The following LRRC8D variants were observed in gnomAD, a reference collection of about 807,000 sequenced individuals.
The protein encoded by LRRC8D is leucine rich repeat containing 8 VRAC subunit D.
In LRRC8D, 20 loss-of-function variants were observed where a neutral mutation model predicts 55.8. That is an observed-to-expected ratio of 0.36 (90% CI 0.25 to 0.52). LRRC8D has a LOEUF of 0.52. Among genes scored for constraint, LRRC8D ranks in the 20% least tolerant of loss-of-function variants. LRRC8D has a pLI of 0.93. For missense variants in LRRC8D, 651 were observed against 1,030.8 expected (o/e 0.63, Z 5.05); for synonymous variants, 352 against 377.0 (o/e 0.93, Z 0.77).
At chr1:89,878,736 C>T (rs1224611182) in intron 2 of LRRC8D, among the ~76,000 whole-genome samples, 3 of 152,046 alleles carry the variant, frequency 2.0e-5, no homozygotes, top group African/African-American at 2.4e-5. Flanking sequence ...GAGGCTGAGG[C>T]GGGTGGATCA....
At chr1:89,924,703 G>C (rs1270573335) in intron 2 of LRRC8D, among the ~76,000 whole-genome samples, 1 of 151,512 alleles carries the variant, frequency 6.6e-6, no homozygotes, top group Admixed American at 6.6e-5. Flanking sequence ...TTTTTAATAT[G>C]GTACATATAC....
intron 1 of LRRC8D, 25 bp from the exon 2 acceptor site, chr1:89,843,611 CTT>C (rs1036249860): frequency 1.4e-6 from 1 of 702,214 alleles, no homozygotes; most frequent in Admixed American, 2.0e-5. Flanking sequence ...CTCTCTAGCT[CTT>C]TCTCTCCCCT....
Position 89,889,427 on chromosome 1 carries a change from G to T in LRRC8D, c.-2-43640G>T, listed in dbSNP as rs369569391. ...CATTAGGTAAAGACCAAGGAAATCT[G>T]CAAAAAGTGTGGGCTTTAGTGGATA... is the stretch of plus-strand genomic sequence containing the variant. On this transcript the variant is annotated intron_variant, in intron 2 of 2. Transcript: ENST00000337338. Among the ~76,000 whole-genome samples the T allele has an allele frequency of 1.0e-3, 154 of 152,104 alleles. 5 individuals are homozygous for T. The South Asian group carries it at 0.024, about 24-fold the overall frequency.
At chr1:89,859,183 A>T (rs532023038) in intron 2 of LRRC8D, among the ~76,000 whole-genome samples, 1 of 152,198 alleles carries the variant, frequency 6.6e-6, no homozygotes, top group South Asian at 2.1e-4. Flanking sequence ...AATTCGCATT[A>T]CAAGTCATAA....
chr1:89,878,309 G>A (rs1253602742), intron 2 of LRRC8D, among the ~76,000 whole-genome samples: 2 of 152,296 alleles, frequency 1.3e-5, no homozygotes, highest in Non-Finnish European at 2.9e-5. Context: ...GTGTTCAGCA[G>A]GTATTATGTG....
chr1:89,821,596 C>G (rs1490112161), intron 1 of LRRC8D, among the ~76,000 whole-genome samples: 1 of 152,166 alleles, frequency 6.6e-6, no homozygotes, highest in South Asian at 2.1e-4. Flanking sequence ...GGCTCCTGAA[C>G]CCCTCGCGCG....
intron 2 of LRRC8D, among the ~76,000 whole-genome samples, chr1:89,850,332 A>T (rs567168903): frequency 6.6e-6 from 1 of 152,194 alleles, no homozygotes; most frequent in Non-Finnish European, 1.5e-5. Context: ...CTACAAAGGT[A>T]AACTCGTGTC....
chr1:89,923,992 A>G (rs1006143245), intron 2 of LRRC8D, among the ~76,000 whole-genome samples: 1 of 152,218 alleles, frequency 6.6e-6, no homozygotes, highest in Non-Finnish European at 1.5e-5. Flanking sequence ...GAAAACCTAA[A>G]AAATACTATT....
intron 2 of LRRC8D, among the ~76,000 whole-genome samples, chr1:89,847,060 TG>T: frequency 6.6e-6 from 1 of 152,204 alleles, no homozygotes; most frequent in Non-Finnish European, 1.5e-5. Flanking sequence ...AGCAAACCCA[TG>T]TAACTTTAAA....
At chr1:89,845,719 C>A (rs1377069942) in intron 2 of LRRC8D, among the ~76,000 whole-genome samples, 1 of 152,124 alleles carries the variant, frequency 6.6e-6, no homozygotes, top group African/African-American at 2.4e-5. Context: ...GGCCACCACA[C>A]TCAGCCAGTC....
chr1:89,913,615 A>G (rs984895018), intron 2 of LRRC8D, among the ~76,000 whole-genome samples: 1 of 152,240 alleles, frequency 6.6e-6, no homozygotes, highest in African/African-American at 2.4e-5. Flanking sequence ...TTACAAACAA[A>G]TGCTTGCAAC....
At chr1:89,928,610 G>A (rs945807805) in intron 2 of LRRC8D, among the ~76,000 whole-genome samples, 6 of 152,096 alleles carry the variant, frequency 3.9e-5, no homozygotes, top group South Asian at 2.1e-4. Flanking sequence ...CCATTCTTGC[G>A]GGGAGTCTGG....
At position 89,933,204 on chromosome 1, in the gene LRRC8D, C is replaced by G. The variant is rs1222219138; in HGVS notation, c.136C>G (p.Gln46Glu). 6.2e-7 allele frequency: 1 copy of G among 1,614,170 alleles called. No individual in the cohort carries two copies. The change falls in exon 3 of 3, where the codon CAA (glutamine) becomes GAA (glutamate). Residue 46 changes from glutamine to glutamate, a missense_variant. Gln to Glu is a conservative substitution (Grantham distance 29, BLOSUM62 2). Coordinates refer to ENST00000337338, the MANE Select transcript of LRRC8D (RefSeq NM_001134479.2). The surrounding 1 kb of genome is among the most constrained non-coding windows in gnomAD (Gnocchi z 7.0). Reference protein sequence around the residue: ...LMVAIFAGTMQLTKDQVVCLP... With the variant: ...LMVAIFAGTMELTKDQVVCLP... ...GGTAGCCATCTTTGCAGGAACCATGCAACTTACCAAAGATCAGGTGGTCTG... is the reference window on the plus strand; with the variant it reads ...GGTAGCCATCTTTGCAGGAACCATGGAACTTACCAAAGATCAGGTGGTCTG...
chr1:89,823,995 A>G (rs1010621068), intron 1 of LRRC8D, among the ~76,000 whole-genome samples: 6 of 152,218 alleles, frequency 3.9e-5, no homozygotes, highest in African/African-American at 1.4e-4. Flanking sequence ...ATTTGCCTCA[A>G]GACCAGTGGC....
At chr1:89,899,619 C>G (rs1662799615) in intron 2 of LRRC8D, among the ~76,000 whole-genome samples, 1 of 152,246 alleles carries the variant, frequency 6.6e-6, no homozygotes, top group Admixed American at 6.5e-5. Flanking sequence ...ATTACACTCA[C>G]ATTTGAAAAT....
intron 2 of LRRC8D, among the ~76,000 whole-genome samples, chr1:89,891,027 G>A (rs1483681925): frequency 2.6e-5 from 4 of 152,050 alleles, no homozygotes; most frequent in African/African-American, 7.2e-5. Context: ...GACTGCAGGC[G>A]CCCACCACCA....
chr1:89,918,143 T>C (rs1469383644), intron 2 of LRRC8D, among the ~76,000 whole-genome samples: 1 of 152,272 alleles, frequency 6.6e-6, no homozygotes, highest in African/African-American at 2.4e-5. Context: ...CCGAATTTTT[T>C]GGAACCCAAA....
At chr1:89,871,952 C>T (rs555009722) in intron 2 of LRRC8D, among the ~76,000 whole-genome samples, 3 of 152,274 alleles carry the variant, frequency 2.0e-5, no homozygotes, top group South Asian at 2.1e-4. Flanking sequence ...TGGGCACTTA[C>T]AGCTTTTACC....
At chr1:89,857,117 C>G (rs1169313659) in intron 2 of LRRC8D, among the ~76,000 whole-genome samples, 2 of 152,086 alleles carry the variant, frequency 1.3e-5, no homozygotes, top group Non-Finnish European at 2.9e-5. Flanking sequence ...GGCACGGTGG[C>G]TCATGCCTGT....
Sources: allele counts gnomAD v4.1 joint callset (sites outside exome capture counted in the v4.1 genomes callset), GRCh38; gene constraint gnomAD v4.1.1; non-coding constraint Gnocchi (gnomAD v3.1); transcripts MANE v1.5; gene names NCBI Gene and HGNC (gene_info 2026-07-23, HGNC 2026-07-21).